The following RBFOX1 variants were observed in gnomAD, a reference collection of about 807,000 sequenced individuals.
The protein encoded by RBFOX1 is RNA binding fox-1 homolog 1, also known as RNA binding protein fox-1 homolog 1.
In RBFOX1, 8 loss-of-function variants were observed where a neutral mutation model predicts 57.7. The observed-to-expected ratio is 0.14, with a 90% CI of 0.08 to 0.25. RBFOX1 has a LOEUF of 0.25. RBFOX1 is among the 10% of genes least tolerant of loss of function. The probability of loss-of-function intolerance (pLI) is 1.00; values close to 1 mark genes in which losing one functional copy is unlikely to be tolerated. For synonymous variants in RBFOX1, 326 were observed against 222.4 expected (o/e 1.47, Z -4.15); for missense variants, 611 against 548.5 (o/e 1.11, Z -1.14).
intron 4 of RBFOX1, among the ~76,000 whole-genome samples, chr16:7,125,336 G>C (rs1359079712): frequency 2.0e-5 from 3 of 152,146 alleles, no homozygotes; most frequent in Non-Finnish European, 4.4e-5. Context: ...TATAAAATCA[G>C]ATACTACTTT....
chr16:7,054,271 C>A (rs1003977909), intron 4 of RBFOX1, among the ~76,000 whole-genome samples: 1 of 59,068 alleles, frequency 1.7e-5, no homozygotes, highest in African/African-American at 5.2e-5. Context: ...GAGAGAGTCT[C>A]TTTCTTTCAT....
chr16:6,642,635 G>A (rs1356210531), intron 2 of RBFOX1, among the ~76,000 whole-genome samples: 2 of 144,140 alleles, frequency 1.4e-5, no homozygotes, highest in African/African-American at 2.5e-5. Flanking sequence ...ATAACTCACA[G>A]GAGGTAGGGA....
At chr16:6,546,387 C>T (rs1027325795) in intron 2 of RBFOX1, among the ~76,000 whole-genome samples, 3 of 152,156 alleles carry the variant, frequency 2.0e-5, no homozygotes, top group African/African-American at 7.2e-5. Context: ...TATTGCCTCA[C>T]CATTCTGGGC....
intron 1 of RBFOX1, among the ~76,000 whole-genome samples, chr16:6,299,135 A>C (rs2078491363): frequency 6.6e-6 from 1 of 152,230 alleles, no homozygotes. Flanking sequence ...TGGTGGTAAC[A>C]TTAGAATGAA....
intron 1 of RBFOX1, among the ~76,000 whole-genome samples, chr16:5,432,555 G>T (rs796602413): frequency 0.02 from 1,443 of 72,674 alleles, no homozygotes; most frequent in Middle Eastern, 0.044. Context: ...TTTTTTGTTT[G>T]TTTGTTTTTT....
chr16:6,647,796 A>G (rs2098546077), intron 2 of RBFOX1, among the ~76,000 whole-genome samples: 3 of 152,110 alleles, frequency 2.0e-5, no homozygotes, highest in South Asian at 4.2e-4. Context: ...ATGCAGTGGT[A>G]CAATCTTAGC....
At chr16:6,626,897 T>C (rs1041737084) in intron 2 of RBFOX1, among the ~76,000 whole-genome samples, 4 of 152,206 alleles carry the variant, frequency 2.6e-5, no homozygotes, top group East Asian at 1.9e-4. Context: ...CAGACACAAA[T>C]TGGAAGGACC....
intron 3 of RBFOX1, among the ~76,000 whole-genome samples, chr16:6,969,138 C>G (rs1598681383): frequency 1.3e-5 from 2 of 152,098 alleles, no homozygotes; most frequent in African/African-American, 2.4e-5. Flanking sequence ...CTTATTCAGT[C>G]CACTTTTAGC....
intron 1 of RBFOX1, among the ~76,000 whole-genome samples, chr16:5,352,429 A>G (rs908211418): frequency 3.3e-5 from 5 of 152,180 alleles, no homozygotes; most frequent in Non-Finnish European, 5.9e-5. Flanking sequence ...TGAACACCCT[A>G]TCTACCCTTC....
In RBFOX1 at chr16:6,709,253, G is replaced by A. The variant is rs918577618; in HGVS notation, c.-16+54603G>A. On this transcript the variant is annotated intron_variant, in intron 3 of 15. Coordinates refer to ENST00000550418, the MANE Select transcript of RBFOX1 (RefSeq NM_018723.4). ...ATTACTGCTGCAGTTTCACACGAGC[G>A]GATGCAATTATTTTAAGCATCTAAC... Among the ~76,000 whole-genome samples the A allele has an allele frequency of 3.9e-5, 6 of 152,166 alleles. No individual in the cohort carries two copies. In the South Asian group the frequency reaches 8.3e-4, roughly 21 times the overall value.
At chr16:6,784,780 C>T (rs550304499) in intron 3 of RBFOX1, among the ~76,000 whole-genome samples, 1 of 151,586 alleles carries the variant, frequency 6.6e-6, no homozygotes, top group Non-Finnish European at 1.5e-5. Context: ...GGAAGTAAAT[C>T]CCTGGAATTT....
chr16:7,606,063 G>C (rs2095272420), intron 9 of RBFOX1, among the ~76,000 whole-genome samples: 1 of 151,514 alleles, frequency 6.6e-6, no homozygotes, highest in South Asian at 2.1e-4. Context: ...TGCCTGCCTT[G>C]GCCTCTCAAA....
intron 4 of RBFOX1, among the ~76,000 whole-genome samples, chr16:7,286,341 A>G (rs2095650349): frequency 1.3e-5 from 2 of 152,140 alleles, no homozygotes; most frequent in Admixed American, 6.5e-5. Context: ...CAGGATCCCA[A>G]GGGTCTAGGT....
At chr16:7,079,543 T>C (rs1294391745) in intron 4 of RBFOX1, among the ~76,000 whole-genome samples, 1 of 152,168 alleles carries the variant, frequency 6.6e-6, no homozygotes, top group Non-Finnish European at 1.5e-5. Context: ...TCTTGGAGTA[T>C]TTAGAGGTGG....
intron 2 of RBFOX1, among the ~76,000 whole-genome samples, chr16:6,459,373 C>T (rs996091757): frequency 2.0e-5 from 3 of 152,134 alleles, no homozygotes; most frequent in African/African-American, 2.4e-5. Flanking sequence ...GCTTACCATG[C>T]CATCCTTTCA....
chr16:7,709,623 C>A (rs372671375), intron 15 of RBFOX1: 4 of 1,531,598 alleles, frequency 2.6e-6, no homozygotes, highest in African/African-American at 1.4e-5. Context: ...AAGTCATAGT[C>A]GCCCAGGAAA....
intron 4 of RBFOX1, among the ~76,000 whole-genome samples, chr16:7,372,167 T>C (rs560661739): frequency 6.6e-6 from 1 of 152,278 alleles, no homozygotes; most frequent in South Asian, 2.1e-4. Flanking sequence ...CCTCCTACTA[T>C]ATATAATGCT....
intron 3 of RBFOX1, among the ~76,000 whole-genome samples, chr16:5,753,442 AAG>A (rs1296876967): frequency 4.6e-5 from 7 of 152,170 alleles, no homozygotes; most frequent in Non-Finnish European, 8.8e-5. Context: ...TCACTTGAAA[AAG>A]AGTTACAACT....
intron 4 of RBFOX1, among the ~76,000 whole-genome samples, chr16:7,189,325 C>G (rs2084741563): frequency 6.8e-6 from 1 of 147,968 alleles, no homozygotes; most frequent in Admixed American, 7.0e-5. Flanking sequence ...ACTCAGGAGG[C>G]TGAGGCAGGA....
Sources: allele counts gnomAD v4.1 joint callset (sites outside exome capture counted in the v4.1 genomes callset), GRCh38; gene constraint gnomAD v4.1.1; transcripts MANE v1.5; gene names NCBI Gene and HGNC (gene_info 2026-07-23, HGNC 2026-07-21).